FSTL4: variants seen among roughly 807,000 people sequenced by gnomAD.
FSTL4 encodes the protein follistatin like 4, also known as follistatin-related protein 4.
Under a neutral mutation model 78.2 loss-of-function variants are expected in FSTL4, and 28 were observed. The observed-to-expected ratio is 0.36, with a 90% CI of 0.27 to 0.49. FSTL4 has a LOEUF of 0.49. Among genes scored for constraint, FSTL4 ranks in the 20% least tolerant of loss-of-function variants. The probability of loss-of-function intolerance (pLI) is 0.98; values close to 1 mark genes in which losing one functional copy is unlikely to be tolerated. For synonymous variants in FSTL4, 422 were observed against 440.5 expected, an observed-to-expected ratio of 0.96 and a Z score of 0.53; for missense variants, 922 against 1,084.9, an observed-to-expected ratio of 0.85 and a Z score of 2.11.
chr5:133,751,503 G>T, the FSTL4 span, among the ~76,000 whole-genome samples: 1 of 152,156 alleles, frequency 6.6e-6, no homozygotes, highest in Non-Finnish European at 1.5e-5. Flanking sequence ...GTCAAATCTG[G>T]CTTTGGAGTG....
chr5:133,306,630 C>T (rs1211463366), intron 6 of FSTL4, among the ~76,000 whole-genome samples: 6 of 152,224 alleles, frequency 3.9e-5, no homozygotes, highest in Non-Finnish European at 2.9e-5. Context: ...GGCACTTCCT[C>T]TGCCCCTGTT....
At chr5:133,814,306 C>T in the FSTL4 span, among the ~76,000 whole-genome samples, 3 of 152,114 alleles carry the variant, frequency 2.0e-5, no homozygotes, top group Non-Finnish European at 4.4e-5. Context: ...ACGGAAGCCA[C>T]GTGGAATGTG....
At chr5:133,616,766 C>T (rs954830035), upstream of FSTL4, among the ~76,000 whole-genome samples, 1 of 152,088 alleles carries the variant, frequency 6.6e-6, no homozygotes, top group African/African-American at 2.4e-5. Context: ...GATGGGTCAC[C>T]TCAAGGGCTA....
At chr5:133,297,266 A>G (rs1247621025) in intron 6 of FSTL4, among the ~76,000 whole-genome samples, 1 of 152,208 alleles carries the variant, frequency 6.6e-6, no homozygotes, top group East Asian at 1.9e-4. Flanking sequence ...CTCCTGAATA[A>G]GAAGAGAACA....
At chr5:133,778,076 G>C in the FSTL4 span, among the ~76,000 whole-genome samples, 3 of 152,224 alleles carry the variant, frequency 2.0e-5, no homozygotes, top group Admixed American at 2.0e-4. Flanking sequence ...AGGCTCTAGA[G>C]GTGGGGTTTC....
At chr5:133,313,806 G>A (rs943929887) in intron 5 of FSTL4, among the ~76,000 whole-genome samples, 3 of 152,044 alleles carry the variant, frequency 2.0e-5, no homozygotes, top group African/African-American at 7.2e-5. Flanking sequence ...TTCCAAAGAT[G>A]GAAATTTCCC....
chr5:133,249,489 A>T lies in FSTL4; in HGVS notation c.815T>A (p.Val272Asp). ...GATTGGTGGCCTCAGGTCTCCATGG[A>T]CGGCGCAGGTCAGCACTGTGCTCAG... ...VGLSTVLTCA[V>D]HGDLRPPIIW... Residue 272 changes from valine (V) to aspartate (D), a missense_variant, in exon 7 of 16, where the codon GTC (valine) becomes GAC (aspartate). Physicochemically the swap from Val to Asp is radical, Grantham distance 152. Coordinates refer to ENST00000265342, the MANE Select transcript of FSTL4 (RefSeq NM_015082.2). 1 of 1,613,454 alleles carries T rather than the reference A, an allele frequency of 6.2e-7. No individual in the cohort carries two copies. Among genetic ancestry groups the T allele is most frequent in the East Asian group, 2.2e-5 (1 of 44,862 alleles).
At chr5:133,574,095 G>A (rs1354264484) in intron 2 of FSTL4, among the ~76,000 whole-genome samples, 1 of 152,104 alleles carries the variant, frequency 6.6e-6, no homozygotes, top group Admixed American at 6.6e-5. Context: ...CAATGAAAAG[G>A]GAAGCCATTA....
chr5:133,485,813 G>C (rs559892297), intron 3 of FSTL4, among the ~76,000 whole-genome samples: 1 of 152,310 alleles, frequency 6.6e-6, no homozygotes, highest in Admixed American at 6.5e-5. Flanking sequence ...TCGAGTGCCT[G>C]GGAGCATCTT....
At chr5:133,468,288 C>T (rs1479089002) in intron 3 of FSTL4, among the ~76,000 whole-genome samples, 2 of 152,230 alleles carry the variant, frequency 1.3e-5, no homozygotes, top group East Asian at 3.8e-4. Context: ...CCCAGGGCAT[C>T]GCTCTCCTGG....
At chr5:133,608,128 T>C (rs923734207) in intron 1 of FSTL4, among the ~76,000 whole-genome samples, 11 of 152,206 alleles carry the variant, frequency 7.2e-5, no homozygotes, top group Non-Finnish European at 1.5e-4. Flanking sequence ...GAAGGTGCCA[T>C]CCATAAGGTC....
the FSTL4 span, among the ~76,000 whole-genome samples, chr5:133,714,029 T>C: frequency 6.6e-6 from 1 of 152,104 alleles, no homozygotes. Flanking sequence ...AGGGAGACCC[T>C]TGCTTTTCAC....
intron 3 of FSTL4, among the ~76,000 whole-genome samples, chr5:133,561,506 G>A (rs1016045279): frequency 6.6e-5 from 10 of 152,144 alleles, no homozygotes; most frequent in Non-Finnish European, 8.8e-5. Context: ...CCTCTGAGAC[G>A]GTGAGCAGGC....
the FSTL4 span, among the ~76,000 whole-genome samples, chr5:133,826,983 A>G: frequency 6.6e-6 from 1 of 152,086 alleles, no homozygotes; most frequent in Non-Finnish European, 1.5e-5. Context: ...CTCCCCTCTC[A>G]CCACAGAAGG....
chr5:133,808,950 A>G, the FSTL4 span, among the ~76,000 whole-genome samples: 1 of 150,996 alleles, frequency 6.6e-6, no homozygotes, highest in South Asian at 2.1e-4. Flanking sequence ...CAGGACTGTC[A>G]GGACGTGTGG....
At chr5:133,713,932 G>A in the FSTL4 span, among the ~76,000 whole-genome samples, 2 of 152,122 alleles carry the variant, frequency 1.3e-5, no homozygotes, top group Admixed American at 1.3e-4. Context: ...AAGGGAGCCC[G>A]GACGCTGAAC....
chr5:133,355,990 AAGAGGCTCAAGGCCTCTTAC>A (rs931975252), intron 4 of FSTL4, among the ~76,000 whole-genome samples: 28 of 152,222 alleles, frequency 1.8e-4, no homozygotes, highest in Admixed American at 1.4e-3. Context: ...TTTTAAGAGG[AAGAGGCTCAAGGCCTCTTAC>A]AGAGGCTTGG....
chr5:133,359,785 G>A (rs1383260913), intron 4 of FSTL4, among the ~76,000 whole-genome samples: 5 of 152,146 alleles, frequency 3.3e-5, no homozygotes, highest in Admixed American at 3.3e-4. Context: ...CTCTTCTTTG[G>A]CTTAATTGAA....
the FSTL4 span, among the ~76,000 whole-genome samples, chr5:133,702,857 C>G: frequency 6.6e-6 from 1 of 152,190 alleles, no homozygotes; most frequent in East Asian, 1.9e-4. Flanking sequence ...GGCACTGGAG[C>G]TTCCTCCACA....
Sources: allele counts gnomAD v4.1 joint callset (sites outside exome capture counted in the v4.1 genomes callset), GRCh38; gene constraint gnomAD v4.1.1; transcripts MANE v1.5; gene names NCBI Gene and HGNC (gene_info 2026-07-23, HGNC 2026-07-21).